The following CYFIP1 variants were observed in gnomAD, a reference collection of about 807,000 sequenced individuals.
CYFIP1 encodes cytoplasmic FMR1 interacting protein 1.
CYFIP1 carries 58 observed loss-of-function variants against 163.5 expected under a neutral mutation model. The ratio of observed to expected loss-of-function variants is 0.35; its 90% CI spans 0.29 to 0.44. The LOEUF (loss-of-function observed/expected upper bound fraction) is 0.44, where lower values mean the gene tolerates loss of function less well. Among genes scored for constraint, CYFIP1 ranks in the 20% least tolerant of loss-of-function variants. The probability of loss-of-function intolerance (pLI) is 1.00; values close to 1 mark genes in which losing one functional copy is unlikely to be tolerated. For synonymous variants in CYFIP1, 663 were observed against 660.7 expected (o/e 1.00, Z -0.05); for missense variants, 1,338 against 1,653.8 (o/e 0.81, Z 3.31).
intron 1 of CYFIP1, among the ~76,000 whole-genome samples, chr15:22,978,339 TAA>T (rs1299770896): frequency 8.0e-5 from 8 of 100,070 alleles, no homozygotes; most frequent in Non-Finnish European, 1.4e-4. Flanking sequence ...GCCACAGAGT[TAA>T]GACTCTGTCA....
intron 3 of CYFIP1, 157 bp downstream of exon 3, chr15:22,946,846 A>C (rs1420937925): frequency 4.0e-6 from 3 of 749,782 alleles, no homozygotes; most frequent in African/African-American, 1.7e-5. Flanking sequence ...TTACACTAAG[A>C]AAAGCAAAGA....
chr15:22,916,512 T>C lies in CYFIP1; in HGVS notation c.1793A>G (p.Glu598Gly). Residue 598 changes from glutamate to glycine, a missense_variant, in exon 16 of 31, where the codon GAG (glutamate) becomes GGG (glycine). Glu to Gly is a moderately conservative substitution (Grantham distance 98). This residue lies in a region of CYFIP1 where 824 missense variants were observed against 995.7 expected (regional missense o/e 0.83). Coordinates refer to ENST00000617928, the MANE Select transcript of CYFIP1 (RefSeq NM_014608.6). ...TATCAAGTGAGTGTAGAAGAATGAC[T>C]CTCGATGAAATTTTTCTATGTCCAA... The part of the protein sequence containing the change: ...TILDIEKFHR[E>G]SFFYTHLINF... 1.2e-6 allele frequency: 2 copies of C among 1,613,712 alleles called. No homozygotes were observed. The highest frequency in any genetic ancestry group is 1.3e-5 in the African/African-American group (1 of 74,954).
Position 22,917,222 on chromosome 15 carries a change from A to G in CYFIP1, c.1674+566T>C. 7.1e-7 allele frequency: 1 copy of G among 1,411,810 alleles called. No homozygotes were observed. The highest frequency in any genetic ancestry group is 9.2e-7 in the Non-Finnish European group (1 of 1,090,362). The allele number at this position is 1,411,810 out of a possible 1,614,324, so 87.5% of individuals were successfully genotyped here. ...TGCATTGCTGGTGACTTTCCAGAAG[A>G]GTGGCAGAAGAGATTAAAAGCCTCC... On this transcript the variant is annotated intron_variant, in intron 15 of 30. Coordinates refer to ENST00000617928, the MANE Select transcript of CYFIP1 (RefSeq NM_014608.6). The surrounding 1 kb of genome is among the most constrained non-coding windows in gnomAD (Gnocchi z 4.2).
At chr15:22,911,672 C>G (rs1016444815) in intron 18 of CYFIP1, among the ~76,000 whole-genome samples, 1 of 152,196 alleles carries the variant, frequency 6.6e-6, no homozygotes, top group East Asian at 1.9e-4. Context: ...CCTGCAGGGC[C>G]GGGGACCTGT....
intron 22 of CYFIP1, among the ~76,000 whole-genome samples, chr15:22,899,953 C>T (rs924871882): frequency 3.3e-5 from 5 of 152,136 alleles, no homozygotes; most frequent in Non-Finnish European, 5.9e-5. Context: ...GAGGCTGTGG[C>T]AGGAGAATCG....
Position 22,893,198 on chromosome 15 carries a change from AC to A in CYFIP1, c.2589-222del, listed in dbSNP as rs963777548. ...AAAGCTCAGGGGCCACAGCAGGAAC[AC>A]CCGGGGTCTGGTCTGCTGTACCAGA... On this transcript the variant is annotated intron_variant, in intron 22 of 30. Coordinates refer to ENST00000617928, the MANE Select transcript of CYFIP1 (RefSeq NM_014608.6). Among the ~76,000 whole-genome samples the A allele has an allele frequency of 2.4e-3, 372 of 152,278 alleles. 4 individuals carry two copies. Among genetic ancestry groups the A allele is most frequent in the Middle Eastern group, 3.4e-3 (1 of 294 alleles).
intron 23 of CYFIP1, among the ~76,000 whole-genome samples, chr15:22,884,658 T>C (rs2059879507): frequency 6.6e-6 from 1 of 152,076 alleles, no homozygotes; most frequent in African/African-American, 2.4e-5. Flanking sequence ...GGCCCTCTTT[T>C]TACAGCTCCA....
At chr15:22,914,306 T>C (rs893317362) in intron 17 of CYFIP1, among the ~76,000 whole-genome samples, 1 of 152,102 alleles carries the variant, frequency 6.6e-6, no homozygotes, top group Non-Finnish European at 1.5e-5. Context: ...CCAGCACCCA[T>C]GCAAAGTAGG....
upstream of CYFIP1, among the ~76,000 whole-genome samples, chr15:22,980,647 T>G (rs930479202): frequency 1.3e-5 from 2 of 151,932 alleles, no homozygotes; most frequent in Non-Finnish European, 2.9e-5. Context: ...TGCGGGTCCG[T>G]CCGGTTCGGA....
intron 23 of CYFIP1, among the ~76,000 whole-genome samples, chr15:22,890,689 CACGAACAGAGACAGGGTGGAGGG>C: frequency 1.3e-5 from 2 of 149,246 alleles, no homozygotes; most frequent in East Asian, 4.1e-4. Context: ...GCCTCGAGAA[CACGAACAGAGACAGGGTGGAGGG>C]GCACAGCGGA....
At chr15:22,980,597 G>A, upstream of CYFIP1, among the ~76,000 whole-genome samples, 1 of 152,114 alleles carries the variant, frequency 6.6e-6, no homozygotes. Context: ...CAGCCTGCGC[G>A]GGACGGCGGG....
chr15:22,938,754 T>C (rs1308218702), intron 8 of CYFIP1, among the ~76,000 whole-genome samples: 1 of 150,580 alleles, frequency 6.6e-6, no homozygotes, highest in Non-Finnish European at 1.5e-5. Flanking sequence ...AATTTAAAAA[T>C]TAGCGAGGCA....
rs3833819 is a variant in CYFIP1 at position 22,868,934 on chromosome 15, C to CAGTT, written c.*1090_*1093dup. On this transcript the variant is annotated 3_prime_UTR_variant, in exon 31 of 31. Transcript: ENST00000617928. The stretch of plus-strand genomic sequence containing the variant: ...AACAGGCATAGCATCTTTTTCCATT[C>CAGTT]AGTTAGTTAGGATTTTCAGAACCTC... 1.3e-5 allele frequency: 2 copies of CAGTT among 151,664 alleles called. No individual in the cohort carries two copies. The highest frequency in any genetic ancestry group is 2.4e-5 in the African/African-American group (1 of 41,254). 9.4% of individuals were successfully genotyped at this position (151,664 alleles called of 1,614,324 possible). A position where few individuals can be genotyped will look rare whatever the true frequency, so the allele number is the denominator to read the frequency against.
At chr15:22,873,014 C>T (rs367588427) in intron 29 of CYFIP1, 42 bp from the exon 30 acceptor site, 76 of 1,603,366 alleles carry the variant, frequency 4.7e-5, no homozygotes, top group African/African-American at 1.3e-4. Context: ...ATGAGTGATA[C>T]GTTATGAAGT....
chr15:22,946,640 CAA>C, intron 3 of CYFIP1: 2 of 355,736 alleles, frequency 5.6e-6, no homozygotes, highest in African/African-American at 2.2e-5. Flanking sequence ...GACTCTGTCT[CAA>C]AAAAAAAGCA....
rs1257156849 is a variant in CYFIP1 at position 22,929,943 on chromosome 15, AAC to A, written c.1111-1917_1111-1916del. 0.022 allele frequency among the ~76,000 whole-genome samples: 2,136 copies of A among 95,698 alleles called. 80 individuals carry two copies. The East Asian group carries it at 0.24, about 11-fold the overall frequency. The allele number at this position is 95,698 out of a possible 152,430, so 62.8% of individuals were successfully genotyped here. A position where few individuals can be genotyped will look rare whatever the true frequency, so the allele number is the denominator to read the frequency against. On this transcript the variant is annotated intron_variant, in intron 11 of 30. Transcript: ENST00000617928. ...AGAGCAAGACTCCACCTCAAAAACA[AAC>A]AAAAAAAAGACTAGATTATGACATA...
intron 1 of CYFIP1, among the ~76,000 whole-genome samples, chr15:22,959,501 T>G (rs1459699973): frequency 6.6e-6 from 1 of 152,198 alleles, no homozygotes; most frequent in African/African-American, 2.4e-5. Flanking sequence ...CTCACGTGCC[T>G]CAGTGGCGTG....
intron 11 of CYFIP1, among the ~76,000 whole-genome samples, chr15:22,928,569 G>A (rs1413979118): frequency 6.6e-6 from 1 of 152,190 alleles, no homozygotes; most frequent in Non-Finnish European, 1.5e-5. Flanking sequence ...GCTGGGCGCG[G>A]GGCTGTTACA....
At position 22,872,828 on chromosome 15, in the gene CYFIP1, A is replaced by G; in HGVS notation, c.3594T>C (p.Asn1198=). 1 of 1,613,958 alleles carries G rather than the reference A, an allele frequency of 6.2e-7. No individual in the cohort carries two copies. Residue 1198 remains asparagine (N), a synonymous_variant, in exon 30 of 31, where the codon AAT becomes AAC. Coordinates refer to ENST00000617928, the MANE Select transcript of CYFIP1 (RefSeq NM_014608.6). ...KHDGKDEIIK[N]VPLKKMVERI... Reference sequence around the variant, plus strand: ...TGCGAGATTTTCATCCACATACCACATTTTTAATAATCTCATCTTTGCCAT... The same window carrying G: ...TGCGAGATTTTCATCCACATACCACGTTTTTAATAATCTCATCTTTGCCAT...
Sources: allele counts gnomAD v4.1 joint callset (sites outside exome capture counted in the v4.1 genomes callset), GRCh38; gene constraint gnomAD v4.1.1; regional missense constraint gnomAD v4.1.1; non-coding constraint Gnocchi (gnomAD v3.1); transcripts MANE v1.5; gene names NCBI Gene and HGNC (gene_info 2026-07-23, HGNC 2026-07-21).